The following LARP4 variants were observed in gnomAD, a reference collection of about 807,000 sequenced individuals.
LARP4 encodes the protein La ribonucleoprotein 4, also known as la-related protein 4.
LARP4 carries 29 observed loss-of-function variants against 92.9 expected under a neutral mutation model. The observed-to-expected ratio is 0.31, with a 90% CI of 0.23 to 0.43. The LOEUF is 0.43. Among genes scored for constraint, LARP4 ranks in the 20% least tolerant of loss-of-function variants. The pLI is 1.00. For synonymous variants in LARP4, 279 were observed against 284.1 expected, an observed-to-expected ratio of 0.98 and a Z score of 0.18; for missense variants, 732 against 860.0, an observed-to-expected ratio of 0.85 and a Z score of 1.86.
chr12:50,472,679 T>C (rs1430736145), intron 13 of LARP4, among the ~76,000 whole-genome samples: 2 of 151,990 alleles, frequency 1.3e-5, no homozygotes, highest in Non-Finnish European at 2.9e-5. Context: ...TAGCTAAATA[T>C]TTTACTTTAT....
intron 13 of LARP4, among the ~76,000 whole-genome samples, chr12:50,469,068 C>T (rs1956562933): frequency 6.6e-6 from 1 of 151,960 alleles, no homozygotes; most frequent in African/African-American, 2.4e-5. Flanking sequence ...CTTCCATGGT[C>T]ATGAAGTATA....
intron 1 of LARP4, among the ~76,000 whole-genome samples, chr12:50,417,259 C>T (rs113503218): frequency 1.3e-5 from 2 of 151,520 alleles, no homozygotes; most frequent in African/African-American, 4.9e-5. Context: ...GCATGTAATC[C>T]GAGCTACTTG....
intron 5 of LARP4, among the ~76,000 whole-genome samples, chr12:50,435,826 G>T (rs1311672003): frequency 1.3e-5 from 2 of 151,554 alleles, no homozygotes. Context: ...TCAAGCGGGA[G>T]TGTGATGGTG....
intron 8 of LARP4, among the ~76,000 whole-genome samples, chr12:50,444,564 G>A (rs1951723216): frequency 6.6e-6 from 1 of 152,108 alleles, no homozygotes. Context: ...CAATCCTGGT[G>A]GTGCTTTCTG....
At chr12:50,426,572 T>C (rs953096213) in intron 1 of LARP4, among the ~76,000 whole-genome samples, 1 of 151,898 alleles carries the variant, frequency 6.6e-6, no homozygotes, top group Non-Finnish European at 1.5e-5. Context: ...ACTTAGAAAT[T>C]CTAAAGCGTG....
rs1391769557 is a variant in LARP4 at position 50,477,146 on chromosome 12, A to G, written c.*1282A>G. 6.6e-6 allele frequency: 1 copy of G among 152,600 alleles called. No individual in the cohort carries two copies. The highest frequency in any genetic ancestry group is 1.9e-4 in the East Asian group (1 of 5,198). 9.5% of individuals were successfully genotyped at this position (152,600 alleles called of 1,614,324 possible). A position where few individuals can be genotyped will look rare whatever the true frequency, so the allele number is the denominator to read the frequency against. On this transcript the variant is annotated 3_prime_UTR_variant, in exon 16 of 16. Coordinates refer to ENST00000398473, the MANE Select transcript of LARP4 (RefSeq NM_052879.5). ...GTTTGGAATTCACTGAAACAGTACC[A>G]GCAAGTCATGAGATTTTTTAGTAAA...
chr12:50,417,045 A>C (rs1035832575), intron 1 of LARP4, among the ~76,000 whole-genome samples: 2 of 152,114 alleles, frequency 1.3e-5, no homozygotes, highest in Non-Finnish European at 2.9e-5. Flanking sequence ...CTTTGATGAG[A>C]TACTTTTGGT....
intron 14 of LARP4, among the ~76,000 whole-genome samples, 196 bp from the exon 15 acceptor site, chr12:50,473,803 G>A (rs865902379): frequency 7.1e-5 from 9 of 126,352 alleles, no homozygotes; most frequent in Non-Finnish European, 1.3e-4. Context: ...GGGTGGGGGT[G>A]GGTGGGGGGG....
intron 10 of LARP4, among the ~76,000 whole-genome samples, chr12:50,455,356 A>G (rs769685703): frequency 2.6e-5 from 4 of 152,172 alleles, no homozygotes; most frequent in Non-Finnish European, 4.4e-5. Context: ...GCGTGATACT[A>G]TGGCTTTTAA....
rs377181777 is a variant in LARP4, at chr12:50,475,605, G to A, written c.1916G>A (p.Arg639Gln). 2 of 1,614,092 alleles carry A rather than the reference G, an allele frequency of 1.2e-6. No individual in the cohort carries two copies. The highest frequency in any genetic ancestry group is 1.7e-6 in the Non-Finnish European group (2 of 1,180,038). Residue 639 changes from arginine (R) to glutamine (Q), a missense_variant, in exon 16 of 16, where the codon CGG becomes CAG. Transcript: ENST00000398473. ...EPSSVLVQPLRELRSNVVSPT... is the reference protein window; with the variant it reads ...EPSSVLVQPLQELRSNVVSPT... The stretch of plus-strand genomic sequence containing the variant: ...TCTTCAGTTCTTGTGCAGCCACTAC[G>A]GGAACTTCGCTCCAATGTGGTGTCT...
chr12:50,410,813 G>T (rs1241842091), intron 1 of LARP4, among the ~76,000 whole-genome samples: 2 of 152,260 alleles, frequency 1.3e-5, no homozygotes, highest in East Asian at 3.9e-4. Flanking sequence ...CCCCCAAAAG[G>T]TTAAGTGCCA....
At chr12:50,428,048 T>G in intron 2 of LARP4, 139 bp downstream of exon 2, 3 of 527,242 alleles carry the variant, frequency 5.7e-6, no homozygotes, top group Middle Eastern at 5.5e-4. Context: ...CAGGCTGGAG[T>G]ACAGTGGCGC....
chr12:50,465,256 C>T (rs1955996059), intron 12 of LARP4, among the ~76,000 whole-genome samples: 1 of 151,328 alleles, frequency 6.6e-6, no homozygotes, highest in African/African-American at 2.4e-5. Context: ...CCTGTAGTCC[C>T]AGCTACTCAG....
At chr12:50,419,128 A>G (rs1277578888) in intron 1 of LARP4, among the ~76,000 whole-genome samples, 1 of 152,158 alleles carries the variant, frequency 6.6e-6, no homozygotes, top group African/African-American at 2.4e-5. Flanking sequence ...TGGGAGGCTG[A>G]TGCATGAGGA....
Position 50,410,090 on chromosome 12 carries a change from C to CA in LARP4, c.18+9076dup, listed in dbSNP as rs59117589. 6.4e-3 allele frequency among the ~76,000 whole-genome samples: 701 copies of CA among 110,062 alleles called. 5 individuals carry two copies. The highest frequency in any genetic ancestry group is 0.018 in the African/African-American group (572 of 32,002). 72.2% of individuals were successfully genotyped at this position (110,062 alleles called of 152,430 possible). A position where few individuals can be genotyped will look rare whatever the true frequency, so the allele number is the denominator to read the frequency against. On this transcript the variant is annotated intron_variant, in intron 1 of 15. Coordinates refer to ENST00000398473, the MANE Select transcript of LARP4 (RefSeq NM_052879.5). Reference sequence around the variant, plus strand: ...TACAGGTGTGAGCCACCACGCCCGGCAAAAAAAAAAAAAAGAACTATTTTG... The same window carrying CA: ...TACAGGTGTGAGCCACCACGCCCGGCAAAAAAAAAAAAAAAGAACTATTTTG...
chr12:50,410,339 C>T (rs894252816), intron 1 of LARP4, among the ~76,000 whole-genome samples: 3 of 151,708 alleles, frequency 2.0e-5, no homozygotes, highest in African/African-American at 7.3e-5. Flanking sequence ...TCCCAAAGTG[C>T]TGCGATTACA....
At chr12:50,462,547 ACCCCACCCCAC>A in intron 11 of LARP4, 24 bp from the exon 12 acceptor site, 1 of 665,028 alleles carries the variant, frequency 1.5e-6, no homozygotes, top group Non-Finnish European at 2.7e-6. Context: ...TTGTCCCTCC[ACCCCACCCCAC>A]CCCCACCTTT....
chr12:50,450,654 A>G (rs1258044520), intron 8 of LARP4, among the ~76,000 whole-genome samples: 1 of 152,028 alleles, frequency 6.6e-6, no homozygotes, highest in African/African-American at 2.4e-5. Flanking sequence ...GTGCACCACC[A>G]TGCCTGGCTA....
intron 5 of LARP4, among the ~76,000 whole-genome samples, chr12:50,436,850 T>A (rs1172570987): frequency 6.6e-6 from 1 of 152,308 alleles, no homozygotes; most frequent in African/African-American, 2.4e-5. Flanking sequence ...TACAAACATT[T>A]ATGGAACATT....
Sources: gnomAD v4.1 joint callset for allele counts (sites outside exome capture counted in the v4.1 genomes callset) on GRCh38, gnomAD v4.1.1 for gene constraint, MANE v1.5 for transcripts, NCBI Gene and HGNC (gene_info 2026-07-23, HGNC 2026-07-21) for gene names.